PCDH15: variants seen among roughly 807,000 people sequenced by gnomAD.
PCDH15 encodes protocadherin-15.
A neutral mutation model predicts 178.5 loss-of-function variants in PCDH15; 129 were observed. That is an observed-to-expected ratio of 0.72 (90% confidence interval 0.63 to 0.84). The LOEUF is 0.84. Ranked by LOEUF, PCDH15 falls within the 40% of genes least tolerant of loss-of-function variation. The probability of loss-of-function intolerance (pLI) is 0.00; values close to 1 mark genes in which losing one functional copy is unlikely to be tolerated. For missense variants in PCDH15, 2,230 were observed against 2,099.9 expected (o/e 1.06, Z -1.21); for synonymous variants, 800 against 732.0 (o/e 1.09, Z -1.50).
At chr10:54,164,142 C>T (rs1225247280) in intron 13 of PCDH15, among the ~76,000 whole-genome samples, 1 of 152,150 alleles carries the variant, frequency 6.6e-6, no homozygotes, top group Non-Finnish European at 1.5e-5. Context: ...TATAGTTATG[C>T]TATCAGACCA....
intron 3 of PCDH15, among the ~76,000 whole-genome samples, chr10:54,385,288 A>G (rs1949779884): frequency 6.6e-6 from 1 of 152,136 alleles, no homozygotes; most frequent in South Asian, 2.1e-4. Flanking sequence ...TTCTGTAAAC[A>G]ATAAGGCAAA....
chr10:55,580,822 C>T (rs1357295787), intron 2 of PCDH15, among the ~76,000 whole-genome samples: 1 of 152,192 alleles, frequency 6.6e-6, no homozygotes, highest in African/African-American at 2.4e-5. Flanking sequence ...TCTTCACAGG[C>T]TATTGTCCTG....
intron 1 of PCDH15, among the ~76,000 whole-genome samples, chr10:55,265,052 C>T (rs2132239714): frequency 6.6e-6 from 1 of 152,158 alleles, no homozygotes; most frequent in South Asian, 2.1e-4. Flanking sequence ...ACCAGCCCTG[C>T]TCCTCTGGGT....
intron 1 of PCDH15, among the ~76,000 whole-genome samples, chr10:54,779,444 ATATACACTCATATATG>A (rs1244940489): frequency 7.7e-6 from 1 of 129,588 alleles, no homozygotes; most frequent in African/African-American, 2.7e-5. Flanking sequence ...GTGTATATAT[ATATACACTCATATATG>A]TGTGTATATA....
chr10:55,627,408 A>C (rs1460724418), intron 2 of PCDH15, among the ~76,000 whole-genome samples: 12 of 151,934 alleles, frequency 7.9e-5, no homozygotes. Context: ...CCCCCAACAC[A>C]AACACATACA....
intron 1 of PCDH15, among the ~76,000 whole-genome samples, chr10:55,181,230 G>A (rs916481989): frequency 6.6e-6 from 1 of 151,982 alleles, no homozygotes; most frequent in Non-Finnish European, 1.5e-5. Flanking sequence ...TTAGGCTTTG[G>A]GCTTTGGCCA....
chr10:54,366,711 C>A (rs1946865361), intron 5 of PCDH15, among the ~76,000 whole-genome samples: 1 of 149,848 alleles, frequency 6.7e-6, no homozygotes, highest in African/African-American at 2.5e-5. Context: ...GCTTTAAATG[C>A]ACTGTTTTTT....
At chr10:54,364,590 G>A (rs1333629171) in intron 5 of PCDH15, among the ~76,000 whole-genome samples, 1 of 152,018 alleles carries the variant, frequency 6.6e-6, no homozygotes, top group Non-Finnish European at 1.5e-5. Flanking sequence ...TGATTTCAAT[G>A]TTCAAATCTT....
At chr10:53,941,378 A>G (rs1419438685) in intron 23 of PCDH15, among the ~76,000 whole-genome samples, 2 of 152,010 alleles carry the variant, frequency 1.3e-5, no homozygotes, top group Admixed American at 6.6e-5. Context: ...TAGTGTCTCT[A>G]TGGTTTTGCC....
intron 2 of PCDH15, among the ~76,000 whole-genome samples, chr10:55,478,103 T>C (rs1240273819): frequency 1.3e-5 from 2 of 151,660 alleles, no homozygotes; most frequent in Non-Finnish European, 3.0e-5. Flanking sequence ...CACAGGTCAA[T>C]AGAGAAAGAG....
intron 1 of PCDH15, among the ~76,000 whole-genome samples, chr10:54,697,967 G>A (rs1174072874): frequency 8.9e-6 from 1 of 111,750 alleles, no homozygotes; most frequent in Non-Finnish European, 2.1e-5. Flanking sequence ...ATCATTGGTA[G>A]AGAGACTCCT....
At chr10:55,461,551 T>C (rs1839679200) in intron 2 of PCDH15, among the ~76,000 whole-genome samples, 1 of 152,106 alleles carries the variant, frequency 6.6e-6, no homozygotes, top group Non-Finnish European at 1.5e-5. Flanking sequence ...TGATCTTATT[T>C]CTAGCTGTCT....
chr10:55,019,550 A>C (rs1840272505), intron 2 of PCDH15, among the ~76,000 whole-genome samples: 1 of 152,046 alleles, frequency 6.6e-6, no homozygotes, highest in Non-Finnish European at 1.5e-5. Flanking sequence ...TGCAAGTGCC[A>C]TCTGGCCCTC....
chr10:54,498,375 A>G (rs1192463992), intron 3 of PCDH15, among the ~76,000 whole-genome samples: 1 of 152,186 alleles, frequency 6.6e-6, no homozygotes, highest in Non-Finnish European at 1.5e-5. Flanking sequence ...CTGCACTGAC[A>G]CTACAAAGGA....
At chr10:55,319,566 G>C (rs1843830667) in intron 1 of PCDH15, 1 of 152,198 alleles carries the variant, frequency 6.6e-6, no homozygotes, top group African/African-American at 2.4e-5. Context: ...GGGGATGGAG[G>C]GAGGACACAG....
chr10:54,033,552 T>C (rs971131352), intron 18 of PCDH15, among the ~76,000 whole-genome samples: 6 of 151,938 alleles, frequency 3.9e-5, no homozygotes, highest in Non-Finnish European at 8.8e-5. Flanking sequence ...TTCTAAAATG[T>C]CTGTCCATAT....
chr10:55,075,864 G>A (rs1319416018), intron 2 of PCDH15, among the ~76,000 whole-genome samples: 1 of 151,926 alleles, frequency 6.6e-6, no homozygotes. Flanking sequence ...TTTGATGTAA[G>A]TATTCAGTGT....
At position 54,204,115 on chromosome 10, in the gene PCDH15, C is replaced by G. The variant is rs904034454; in HGVS notation, c.1099-8226G>C. On this transcript the variant is annotated intron_variant, in intron 10 of 37. Transcript: ENST00000644397. ...TAGCCTGACATTTGGACATGTTTGT[C>G]TTGGGATTCAAACGTGAATTACTTG... 2.0e-5 allele frequency among the ~76,000 whole-genome samples: 3 copies of G among 152,058 alleles called. No homozygotes were observed. In the South Asian group the frequency reaches 6.2e-4, roughly 31 times the overall value.
At chr10:54,313,487 T>C (rs2061033223) in intron 8 of PCDH15, among the ~76,000 whole-genome samples, 1 of 152,082 alleles carries the variant, frequency 6.6e-6, no homozygotes, top group Admixed American at 6.6e-5. Flanking sequence ...ATAAATATTT[T>C]TCAACAACTA....
Sources: gnomAD v4.1 joint callset for allele counts (sites outside exome capture counted in the v4.1 genomes callset) on GRCh38, gnomAD v4.1.1 for gene constraint, MANE v1.5 for transcripts, NCBI Gene and HGNC (gene_info 2026-07-23, HGNC 2026-07-21) for gene names.